FRYL: variants seen among roughly 807,000 people sequenced by gnomAD.
FRYL encodes the protein FRY like transcription coactivator, also known as protein furry homolog-like.
A neutral mutation model predicts 351.2 loss-of-function variants in FRYL; 150 were observed. The observed-to-expected ratio is 0.43, with a 90% CI of 0.37 to 0.49. The LOEUF is 0.49. FRYL is among the 20% of genes least tolerant of loss of function. The pLI is 0.00. For synonymous variants in FRYL, 1,153 were observed against 1,257.1 expected, an observed-to-expected ratio of 0.92 and a Z score of 1.75; for missense variants, 3,036 against 3,619.3, an observed-to-expected ratio of 0.84 and a Z score of 4.13.
intron 4 of FRYL, among the ~76,000 whole-genome samples, chr4:48,632,902 T>G (rs1400521517): frequency 6.6e-6 from 1 of 152,142 alleles, no homozygotes; most frequent in Non-Finnish European, 1.5e-5. Context: ...TGTTTTCCTC[T>G]CTCATCCTTC....
intron 7 of FRYL, 28 bp from the exon 8 acceptor site, chr4:48,609,851 G>A (rs368901301): frequency 3.5e-5 from 45 of 1,273,260 alleles, no homozygotes; most frequent in East Asian, 3.4e-4. Context: ...TATCAAGTAA[G>A]AGTTAAATTA....
chr4:48,578,825 C>T (rs1740243393), intron 23 of FRYL, 148 bp downstream of exon 23: 1 of 637,894 alleles, frequency 1.6e-6, no homozygotes, highest in South Asian at 2.2e-5. Flanking sequence ...TCCTTGACAA[C>T]ATTCTTCTCC....
chr4:48,717,268 A>G (rs920991369), intron 1 of FRYL, among the ~76,000 whole-genome samples: 9 of 151,338 alleles, frequency 5.9e-5, no homozygotes, highest in African/African-American at 2.2e-4. Flanking sequence ...AACTTAAAGT[A>G]TAATAATAAA....
intron 1 of FRYL, among the ~76,000 whole-genome samples, chr4:48,737,873 T>C (rs766481199): frequency 6.6e-6 from 1 of 152,180 alleles, no homozygotes; most frequent in Non-Finnish European, 1.5e-5. Flanking sequence ...TGTGATCATA[T>C]AAATAGATGC....
chr4:48,696,128 AAGGATCT>A (rs1008985966), intron 2 of FRYL, among the ~76,000 whole-genome samples: 10 of 152,302 alleles, frequency 6.6e-5, no homozygotes, highest in African/African-American at 2.2e-4. Flanking sequence ...GCGATTCCTC[AAGGATCT>A]AGAACCAGAA....
At chr4:48,648,886 A>G (rs1302285911) in intron 3 of FRYL, among the ~76,000 whole-genome samples, 1 of 152,184 alleles carries the variant, frequency 6.6e-6, no homozygotes, top group Admixed American at 6.5e-5. Flanking sequence ...ACATTCTGCA[A>G]TTAGATACTG....
rs745610133 is a variant in FRYL at position 48,575,993 on chromosome 4, G to A, written c.2721+37C>T. The A allele has an allele frequency of 4.2e-6, 6 of 1,434,352 alleles. No homozygotes were observed. The South Asian group carries it at 7.6e-5, about 18-fold the overall frequency. 88.9% of individuals were successfully genotyped at this position (1,434,352 alleles called of 1,614,324 possible). A position where few individuals can be genotyped will look rare whatever the true frequency, so the allele number is the denominator to read the frequency against. ...AATCTTATTTTTATGGGGCCATTCA[G>A]ATTTCATATATCCAACAGTGGATCT... On this transcript the variant is annotated intron_variant, in intron 24 of 63. Coordinates refer to ENST00000358350, the MANE Select transcript of FRYL (RefSeq NM_015030.2).
chr4:48,573,175 A>T lies in FRYL; in HGVS notation c.2904+11T>A, dbSNP rs1738756049. 1.9e-6 allele frequency: 3 copies of T among 1,605,256 alleles called. No individual in the cohort carries two copies. Among genetic ancestry groups the T allele is most frequent in the Middle Eastern group, 1.7e-4 (1 of 6,050 alleles). The stretch of plus-strand genomic sequence containing the variant: ...ATGTTCACTAATACAAGGCTGCAGA[A>T]CACAGCTCACCTCTGGCCTTCTTTC... On this transcript the variant is annotated intron_variant, in intron 26 of 63. Transcript: ENST00000358350.
At chr4:48,563,276 A>G (rs1735927431) in intron 31 of FRYL, among the ~76,000 whole-genome samples, 1 of 151,262 alleles carries the variant, frequency 6.6e-6, no homozygotes, top group Non-Finnish European at 1.5e-5. Context: ...ACAGCTGATG[A>G]ACTAAAAAAA....
intron 41 of FRYL, 29 bp from the exon 42 acceptor site, chr4:48,546,300 T>C (rs1197707454): frequency 6.6e-7 from 1 of 1,524,190 alleles, no homozygotes; most frequent in Non-Finnish European, 9.1e-7. Flanking sequence ...CATGAATACC[T>C]AAAACATGAA....
intron 50 of FRYL, among the ~76,000 whole-genome samples, chr4:48,530,436 C>G (rs1481832475): frequency 3.3e-5 from 5 of 152,162 alleles, no homozygotes; most frequent in Admixed American, 3.3e-4. Context: ...CTCCTCCCTG[C>G]TCTATTTTCT....
At chr4:48,576,703 AAT>A (rs1739689976) in intron 23 of FRYL, among the ~76,000 whole-genome samples, 1 of 152,184 alleles carries the variant, frequency 6.6e-6, no homozygotes, top group Admixed American at 6.5e-5. Context: ...TAAAAATTAA[AAT>A]ATGTTACCAG....
At chr4:48,642,339 T>C (rs755630313) in intron 3 of FRYL, among the ~76,000 whole-genome samples, 40 of 152,310 alleles carry the variant, frequency 2.6e-4, no homozygotes, top group Middle Eastern at 6.8e-3. Flanking sequence ...CACACCTCCA[T>C]TAACTCGTCT....
chr4:48,587,744 C>A (rs1193930405), intron 18 of FRYL, among the ~76,000 whole-genome samples: 1 of 151,996 alleles, frequency 6.6e-6, no homozygotes. Context: ...GGGGTTTCAC[C>A]ATGTTGGTCA....
In FRYL at chr4:48,663,336, AT is replaced by A. The variant is rs1379940940; in HGVS notation, c.-81+21336del. On this transcript the variant is annotated intron_variant, in intron 3 of 63. Coordinates refer to ENST00000358350, the MANE Select transcript of FRYL (RefSeq NM_015030.2). ...CAGCTACTTTTTAATTAAATATATAATTTAATTTAATTTAATTTATATATAC... is the reference window on the plus strand; with the variant it reads ...CAGCTACTTTTTAATTAAATATATAATTAATTTAATTTAATTTATATATAC... 3.9e-3 allele frequency among the ~76,000 whole-genome samples: 40 copies of A among 10,162 alleles called. No individual in the cohort carries two copies. In the South Asian group the frequency reaches 0.14, roughly 36 times the overall value. 6.7% of individuals were successfully genotyped at this position (10,162 alleles called of 152,430 possible).
At chr4:48,743,200 A>C (rs1772310107) in intron 1 of FRYL, among the ~76,000 whole-genome samples, 1 of 151,984 alleles carries the variant, frequency 6.6e-6, no homozygotes, top group Admixed American at 6.6e-5. Flanking sequence ...CAAAGGCAGA[A>C]AAGTAGAAAG....
At chr4:48,744,956 A>G (rs1459057990) in intron 1 of FRYL, among the ~76,000 whole-genome samples, 1 of 152,232 alleles carries the variant, frequency 6.6e-6, no homozygotes, top group Non-Finnish European at 1.5e-5. Context: ...GGCAAAGGAT[A>G]ATAGATGTCC....
chr4:48,546,430 C>G, intron 41 of FRYL, 159 bp from the exon 42 acceptor site: 3 of 617,880 alleles, frequency 4.9e-6, no homozygotes, highest in Non-Finnish European at 8.6e-6. Flanking sequence ...CTCATGAACA[C>G]CAAATTACAG....
rs564093497 is a variant in FRYL at position 48,742,676 on chromosome 4, C to T, written c.-383-31978G>A. On this transcript the variant is annotated intron_variant, in intron 1 of 63. Transcript: ENST00000358350. ...ATTCATGCCTGAACAAAATAAAGTG[C>T]TCTCAGGTACCATCACTAGCCCCCA... 3.4e-3 allele frequency among the ~76,000 whole-genome samples: 517 copies of T among 152,262 alleles called. 2 individuals carry two copies. The highest frequency in any genetic ancestry group is 6.8e-3 in the Middle Eastern group (2 of 294).
Sources: allele counts gnomAD v4.1 joint callset (sites outside exome capture counted in the v4.1 genomes callset), GRCh38; gene constraint gnomAD v4.1.1; transcripts MANE v1.5; gene names NCBI Gene and HGNC (gene_info 2026-07-23, HGNC 2026-07-21).